EML5: variants seen among roughly 807,000 people sequenced by gnomAD.
EML5 encodes EMAP like 5.
Under a neutral mutation model 250.0 loss-of-function variants are expected in EML5, and 120 were observed. The ratio of observed to expected loss-of-function variants is 0.48; its 90% CI spans 0.41 to 0.56. EML5 has a LOEUF of 0.56. EML5 is among the 20% of genes least tolerant of loss of function. The probability of loss-of-function intolerance (pLI) is 0.00; values close to 1 mark genes in which losing one functional copy is unlikely to be tolerated. For synonymous variants in EML5, 771 were observed against 806.5 expected, an observed-to-expected ratio of 0.96 and a Z score of 0.75; for missense variants, 2,006 against 2,437.6, an observed-to-expected ratio of 0.82 and a Z score of 3.73.
intron 1 of EML5, among the ~76,000 whole-genome samples, chr14:88,769,331 C>T (rs933172294): frequency 1.3e-5 from 2 of 152,138 alleles, no homozygotes; most frequent in African/African-American, 2.4e-5. Context: ...TCTACTCTAG[C>T]CATGTGAAGT....
At chr14:88,786,896 C>T (rs1027221921) in intron 1 of EML5, among the ~76,000 whole-genome samples, 4 of 152,116 alleles carry the variant, frequency 2.6e-5, no homozygotes, top group African/African-American at 9.7e-5. Flanking sequence ...GACTAATGAA[C>T]CAACTATGTC....
At position 88,736,081 on chromosome 14, in the gene EML5, A is replaced by G. The variant is rs535604272; in HGVS notation, c.1049+283T>C. On this transcript the variant is annotated intron_variant, in intron 7 of 43. Coordinates refer to ENST00000554922, the MANE Select transcript of EML5 (RefSeq NM_183387.3). ...AGTGCCATGATCTTGGCGCACTGCAACCTTCGCCTCCTGGGTTCAAGCGAT... is the reference window on the plus strand; with the variant it reads ...AGTGCCATGATCTTGGCGCACTGCAGCCTTCGCCTCCTGGGTTCAAGCGAT... Among the ~76,000 whole-genome samples the G allele has an allele frequency of 3.3e-5, 5 of 150,894 alleles. No homozygotes were observed. In the East Asian group the frequency reaches 9.8e-4, roughly 30 times the overall value.
intron 32 of EML5, among the ~76,000 whole-genome samples, chr14:88,638,467 C>T (rs1486731288): frequency 6.6e-6 from 1 of 152,226 alleles, no homozygotes; most frequent in Non-Finnish European, 1.5e-5. Context: ...CCTTTGTTTA[C>T]TACTTCCTCT....
At chr14:88,675,051 T>C (rs995111778) in intron 21 of EML5, among the ~76,000 whole-genome samples, 2 of 152,224 alleles carry the variant, frequency 1.3e-5, no homozygotes, top group African/African-American at 4.8e-5. Flanking sequence ...ATAGCCCCCT[T>C]CCTGGCTGCT....
chr14:88,743,442 T>C (rs890322027), intron 4 of EML5, among the ~76,000 whole-genome samples: 14 of 151,946 alleles, frequency 9.2e-5, no homozygotes, highest in African/African-American at 2.9e-4. Context: ...GGAGCAAATA[T>C]AGAAAAAGGA....
intron 11 of EML5, 53 bp downstream of exon 11, chr14:88,706,206 T>C: frequency 6.8e-7 from 1 of 1,467,406 alleles, no homozygotes; most frequent in Non-Finnish European, 9.1e-7. Flanking sequence ...TATTTGGGGG[T>C]TACTGAAGAA....
At chr14:88,652,481 C>T (rs139410595) in intron 27 of EML5, among the ~76,000 whole-genome samples, 5 of 152,266 alleles carry the variant, frequency 3.3e-5, no homozygotes, top group African/African-American at 9.6e-5. Context: ...ATCCCTCTGA[C>T]GAAGCTTTCC....
chr14:88,764,019 C>T (rs972705532), intron 1 of EML5, among the ~76,000 whole-genome samples: 3 of 152,174 alleles, frequency 2.0e-5, no homozygotes, highest in Non-Finnish European at 2.9e-5. Context: ...TCTTCTTTAG[C>T]AATTATATAG....
intron 1 of EML5, among the ~76,000 whole-genome samples, chr14:88,791,943 A>G (rs1334843516): frequency 2.0e-5 from 3 of 152,182 alleles, no homozygotes; most frequent in Non-Finnish European, 4.4e-5. Context: ...GGGTGCTTTA[A>G]GAATGCGTTT....
intron 31 of EML5, among the ~76,000 whole-genome samples, 174 bp downstream of exon 31, chr14:88,642,719 T>A (rs981124768): frequency 1.3e-5 from 2 of 152,192 alleles, no homozygotes; most frequent in African/African-American, 4.8e-5. Flanking sequence ...AAAACTGAAA[T>A]TTGTTTACTT....
chr14:88,732,855 G>A (rs1388513007), intron 7 of EML5, among the ~76,000 whole-genome samples: 2 of 152,190 alleles, frequency 1.3e-5, no homozygotes, highest in Non-Finnish European at 2.9e-5. Flanking sequence ...CTGTTTCCCA[G>A]GCTGGAGTGC....
intron 21 of EML5, among the ~76,000 whole-genome samples, chr14:88,678,987 T>A (rs1205635422): frequency 1.3e-5 from 2 of 151,860 alleles, no homozygotes; most frequent in African/African-American, 4.8e-5. Context: ...CTTCCTTGTT[T>A]CTCTCTAGCT....
chr14:88,663,796 A>C (rs1595431629), intron 23 of EML5, among the ~76,000 whole-genome samples: 1 of 151,778 alleles, frequency 6.6e-6, no homozygotes, highest in African/African-American at 2.4e-5. Flanking sequence ...TGGCCTCCCA[A>C]AGTACTGAGA....
chr14:88,735,487 T>C (rs2093825428), intron 7 of EML5, among the ~76,000 whole-genome samples: 1 of 152,162 alleles, frequency 6.6e-6, no homozygotes, highest in Admixed American at 6.5e-5. Flanking sequence ...GAGAAATACA[T>C]ATTTTCAAAT....
intron 21 of EML5, among the ~76,000 whole-genome samples, chr14:88,677,948 C>T (rs1444321981): frequency 6.6e-6 from 1 of 152,162 alleles, no homozygotes; most frequent in African/African-American, 2.4e-5. Flanking sequence ...TGAGTATATA[C>T]ACAAAGGAAC....
In EML5 at chr14:88,663,160, C is replaced by T. The variant is rs750718468; in HGVS notation, c.3410-41G>A. The T allele has an allele frequency of 3.0e-6, 4 of 1,338,760 alleles. No individual in the cohort carries two copies. The South Asian group carries it at 5.6e-5, about 19-fold the overall frequency. The allele number at this position is 1,338,760 out of a possible 1,614,324, so 82.9% of individuals were successfully genotyped here. ...TAAAAATATTTACACATATAAAATA[C>T]ATACAAATATATATACCATCAGTAT... On this transcript the variant is annotated intron_variant, in intron 23 of 43. Transcript: ENST00000554922.
At chr14:88,655,860 G>GA (rs2091848763) in intron 27 of EML5, among the ~76,000 whole-genome samples, 1 of 152,004 alleles carries the variant, frequency 6.6e-6, no homozygotes, top group South Asian at 2.1e-4. Context: ...CAAAAAACAT[G>GA]AAAAAAAGCT....
At chr14:88,747,599 A>G (rs1005111182) in intron 2 of EML5, among the ~76,000 whole-genome samples, 1 of 152,152 alleles carries the variant, frequency 6.6e-6, no homozygotes, top group Non-Finnish European at 1.5e-5. Flanking sequence ...AATAAGCTTA[A>G]TGTGCGAAAT....
chr14:88,773,706 G>A (rs2094418067), intron 1 of EML5, among the ~76,000 whole-genome samples: 1 of 152,218 alleles, frequency 6.6e-6, no homozygotes. Context: ...GCCATTGGTG[G>A]TTTTATTTTG....
Sources: gnomAD v4.1 joint callset for allele counts (sites outside exome capture counted in the v4.1 genomes callset) on GRCh38, gnomAD v4.1.1 for gene constraint, MANE v1.5 for transcripts, NCBI Gene and HGNC (gene_info 2026-07-23, HGNC 2026-07-21) for gene names.